Variants in FOXP3 observed in about 807,000 individuals in gnomAD.
FOXP3 encodes the protein forkhead box P3, also known as forkhead box protein P3.
In FOXP3, 5 loss-of-function variants were observed where a neutral mutation model predicts 31.2. The observed-to-expected ratio is 0.16, with a 90% CI of 0.08 to 0.34. The LOEUF is 0.34. FOXP3 is among the 10% of genes least tolerant of loss of function. The pLI, the probability that FOXP3 is intolerant of heterozygous loss-of-function variation, is 1.00. For missense variants in FOXP3, 251 were observed against 363.0 expected (o/e 0.69, Z 2.51); for synonymous variants, 141 against 148.8 (o/e 0.95, Z 0.38).
chrX:49,252,439 G>A (rs1012745684), intron 10 of FOXP3, among the ~76,000 whole-genome samples: 1 of 110,633 alleles, frequency 9.0e-6, no homozygotes, highest in African/African-American at 3.3e-5. Flanking sequence ...CAGAGTCAGC[G>A]ATGATGATTG....
intron 9 of FOXP3, 77 bp downstream of exon 9, chrX:49,253,840 C>G: frequency 8.8e-7 from 1 of 1,139,651 alleles, no homozygotes. Flanking sequence ...CAGCATGGAG[C>G]TCCTTTGCAC....
At position 49,257,677 on chromosome X, in the gene FOXP3, T is replaced by C. The variant is rs1557116600; in HGVS notation, c.302A>G (p.His101Arg). 7.6e-6 allele frequency: 9 copies of C among 1,182,012 alleles called. No individual in the cohort carries two copies. The highest frequency in any genetic ancestry group is 1.0e-5 in the Non-Finnish European group (9 of 879,788). The change falls in exon 3 of 12, where the codon CAT becomes CGT. Residue 101 changes from histidine to arginine, a missense_variant. This residue lies in a region of FOXP3 where 152 missense variants were observed against 188.1 expected (regional missense o/e 0.81). Transcript: ENST00000376207. Reference sequence around the variant, plus strand: ...CACCGTCCATACCTGGTGCATGAAATGTGGCCTGTCCTGGAGGAGTGCCTG... The same window carrying C: ...CACCGTCCATACCTGGTGCATGAAACGTGGCCTGTCCTGGAGGAGTGCCTG... ...HLQALLQDRP[H>R]FMHQLSTVDA...
Position 49,251,159 on chromosome X carries a change from TG to T in FOXP3, c.*174del. ...AGCAGCCTTGGGGCAAAGGATATGA[TG>T]GGGGAGGGGGTGGCTGCCAGCGGGG... On this transcript the variant is annotated 3_prime_UTR_variant, in exon 12 of 12. Transcript: ENST00000376207. 1 of 512,530 alleles carries T rather than the reference TG, an allele frequency of 2.0e-6. No homozygotes were observed. Among genetic ancestry groups the T allele is most frequent in the South Asian group, 3.0e-5 (1 of 33,852 alleles). The allele number at this position is 512,530 out of a possible 1,213,427, so 42.2% of individuals were successfully genotyped here. A position where few individuals can be genotyped will look rare whatever the true frequency, so the allele number is the denominator to read the frequency against.
rs12843496 is a variant in FOXP3 at position 49,259,633 on chromosome X, C to T, written c.-22-1106G>A. On this transcript the variant is annotated intron_variant, in intron 1 of 11. Transcript: ENST00000376207. ...AAGCCCTCCACAATGGCTCCGGGCC[C>T]CCTGCTGAGCCCCAGAACCTTCCAC... is the stretch of plus-strand genomic sequence containing the variant. Among the ~76,000 whole-genome samples, 518 of 110,842 alleles carry T rather than the reference C, an allele frequency of 4.7e-3. 2 individuals are homozygous for T. Among genetic ancestry groups the T allele is most frequent in the Middle Eastern group, 0.014 (3 of 217 alleles).
At chrX:49,263,173 CAAAAAA>C (rs72024386) in intron 1 of FOXP3, among the ~76,000 whole-genome samples, 2 of 59,006 alleles carry the variant, frequency 3.4e-5, no homozygotes, top group Non-Finnish European at 3.0e-5. Context: ...ACCAGACAAC[CAAAAAA>C]AAAAAAAAAA....
intron 9 of FOXP3, among the ~76,000 whole-genome samples, chrX:49,253,594 C>T (rs2066047875): frequency 8.9e-6 from 1 of 111,781 alleles, no homozygotes. Context: ...AGGAGGTGCT[C>T]CTGGAATTAC....
At chrX:49,264,564 C>T (rs1225313100) in intron 1 of FOXP3, 97 bp downstream of exon 1, 5 of 431,205 alleles carry the variant, frequency 1.2e-5, no homozygotes, top group Non-Finnish European at 1.4e-5. Flanking sequence ...GTACATCCCA[C>T]TGTACCAGAG....
rs1557116605 is a variant in FOXP3 at position 49,257,715 on chromosome X, G to C, written c.264C>G (p.Pro88=). 1 of 1,180,202 alleles carries C rather than the reference G, an allele frequency of 8.5e-7. No homozygotes were observed. Among genetic ancestry groups the C allele is most frequent in the South Asian group, 1.9e-5 (1 of 53,530 alleles). Residue 88 remains proline (P), a synonymous_variant, in exon 3 of 12, where the codon CCC becomes CCG. Transcript: ENST00000376207. The stretch of plus-strand genomic sequence containing the variant: ...GGAGGAGTGCCTGTAAGTGGGGCAA[G>C]GGGCCCAGCCGTGCCCCGGAGGGTG... ...MVAPSGARLG[P]LPHLQALLQD...
chrX:49,255,226 C>T (rs1358202378), intron 8 of FOXP3, among the ~76,000 whole-genome samples: 2 of 112,478 alleles, frequency 1.8e-5, no homozygotes, highest in African/African-American at 3.2e-5. Context: ...GGATTACAGG[C>T]GTGAGCCACC....
intron 6 of FOXP3, among the ~76,000 whole-genome samples, chrX:49,256,272 G>C (rs902122622): frequency 5.7e-5 from 5 of 88,267 alleles, no homozygotes; most frequent in Admixed American, 3.8e-4. Context: ...GAGAGAGAGA[G>C]AGACATATGG....
chrX:49,255,092 C>T (rs1398161862), intron 8 of FOXP3, among the ~76,000 whole-genome samples: 1 of 111,138 alleles, frequency 9.0e-6, no homozygotes, highest in Non-Finnish European at 1.9e-5. Flanking sequence ...GGACTACAGA[C>T]ACCTGCCACC....
At chrX:49,254,607 AC>A (rs113323944) in intron 8 of FOXP3, among the ~76,000 whole-genome samples, 12 of 111,361 alleles carry the variant, frequency 1.1e-4, no homozygotes, top group African/African-American at 3.9e-4. Flanking sequence ...GCTCTTTACC[AC>A]CCAACTGTGA....
At chrX:49,261,936 C>T (rs1441572832) in intron 1 of FOXP3, among the ~76,000 whole-genome samples, 5 of 112,331 alleles carry the variant, frequency 4.5e-5, no homozygotes, top group Non-Finnish European at 7.5e-5. Flanking sequence ...GTGGAGTAGA[C>T]AAGGGCCAGG....
Position 49,258,468 on chromosome X carries a change from G to T in FOXP3, c.38C>A (p.Ser13Tyr). 8.4e-7 allele frequency: 1 copy of T among 1,186,316 alleles called. No homozygotes were observed. ...NPRPGKPSAP[S>Y]LALGPSPGAS... is the part of the protein sequence containing the mutation. ...TCCTGGGGATGGGCCAAGGGCCAAG[G>T]AAGGGGCCGAGGGCTTGCCAGGCCT... Residue 13 changes from serine (S) to tyrosine (Y), a missense_variant, in exon 2 of 12, where the codon TCC becomes TAC. Around this residue, in one of 4 missense-constraint regions of FOXP3, gnomAD observed 152 missense variants for 188.1 expected, o/e 0.81. Transcript: ENST00000376207.
chrX:49,261,243 T>C (rs1180469906), intron 1 of FOXP3, among the ~76,000 whole-genome samples: 1 of 112,504 alleles, frequency 8.9e-6, no homozygotes, highest in Non-Finnish European at 1.9e-5. Context: ...CTTGGAACCA[T>C]CTGAAAGTCA....
chrX:49,261,122 A>G (rs1557117151), intron 1 of FOXP3, among the ~76,000 whole-genome samples: 2 of 112,564 alleles, frequency 1.8e-5, no homozygotes, highest in Non-Finnish European at 3.8e-5. Flanking sequence ...AGAATCATAG[A>G]ACAGCATTTC....
rs57734889 is a variant in FOXP3, at chrX:49,258,676, GACACACAC to G, written c.-22-157_-22-150del. On this transcript the variant is annotated intron_variant, in intron 1 of 11. Transcript: ENST00000376207. ...GCCCCATAGTTGCACCCCAGCTCTA[GACACACAC>G]ACACACACACACACACACACACACC... 9,709 of 359,809 alleles carry G rather than the reference GACACACAC, an allele frequency of 0.027. 723 individuals carry two copies. Among genetic ancestry groups the G allele is most frequent in the African/African-American group, 0.23 (8,486 of 36,434 alleles). The allele number at this position is 359,809 out of a possible 1,213,427, so 29.7% of individuals were successfully genotyped here. A position where few individuals can be genotyped will look rare whatever the true frequency, so the allele number is the denominator to read the frequency against.
rs2066044619 is a variant in FOXP3, at chrX:49,253,131, G to A, written c.1039C>T (p.Arg347Cys). The A allele has an allele frequency of 4.1e-6, 5 of 1,208,556 alleles. No individual in the cohort carries two copies. The highest frequency in any genetic ancestry group is 2.2e-5 in the Admixed American group (1 of 45,877). Reference protein sequence around the residue: ...RPPFTYATLIRWAILEAPEKQ... With the variant: ...RPPFTYATLICWAILEAPEKQ... Reference sequence around the variant, plus strand: ...GGCCGAGCTGCCCTGCTTACCCAGCGGATGAGCGTGGCGTAGGTGAAAGGG... The same window carrying A: ...GGCCGAGCTGCCCTGCTTACCCAGCAGATGAGCGTGGCGTAGGTGAAAGGG... The change falls in exon 10 of 12, where the codon CGC becomes TGC. Residue 347 changes from arginine to cysteine, a missense_variant. Arg to Cys is a radical substitution (Grantham distance 180). Coordinates refer to ENST00000376207, the MANE Select transcript of FOXP3 (RefSeq NM_014009.4).
rs966153239 is a variant in FOXP3 at position 49,255,596 on chromosome X, G to A, written c.736-87C>T. 1.2e-5 allele frequency: 13 copies of A among 1,098,234 alleles called. No homozygotes were observed. The African/African-American group carries it at 2.0e-4, about 17-fold the overall frequency. The allele number at this position is 1,098,234 out of a possible 1,213,427, so 90.5% of individuals were successfully genotyped here. ...GCTACGGTCTTCCCTGGGAGTGCCC[G>A]CTCCTCTTCCTTCCTTTATACCAGC... On this transcript the variant is annotated intron_variant, in intron 7 of 11. Coordinates refer to ENST00000376207, the MANE Select transcript of FOXP3 (RefSeq NM_014009.4).
Sources: allele counts gnomAD v4.1 joint callset (sites outside exome capture counted in the v4.1 genomes callset), GRCh38; gene constraint gnomAD v4.1.1; regional missense constraint gnomAD v4.1.1; transcripts MANE v1.5; gene names NCBI Gene and HGNC (gene_info 2026-07-23, HGNC 2026-07-21).